Variants in ACYP2 observed in about 807,000 individuals in gnomAD.
The protein encoded by ACYP2 is acylphosphatase 2, also known as acylphosphatase-2.
A neutral mutation model predicts 11.2 loss-of-function variants in ACYP2; 12 were observed. The ratio of observed to expected loss-of-function variants is 1.08; its 90% CI spans 0.69 to 1.74. The LOEUF (loss-of-function observed/expected upper bound fraction) is 1.74. Among genes scored for constraint, ACYP2 ranks in the 40% most tolerant of loss-of-function variants. The pLI is 0.00. For missense variants in ACYP2, 134 were observed against 101.9 expected (o/e 1.31, Z -1.35); for synonymous variants, 43 against 32.2 (o/e 1.33, Z -1.13).
At chr2:54,028,668 G>A (rs766444794) in intron 2 of ACYP2, among the ~76,000 whole-genome samples, 2 of 152,160 alleles carry the variant, frequency 1.3e-5, no homozygotes, top group Non-Finnish European at 2.9e-5. Flanking sequence ...AATAGACTTT[G>A]TCCCAGGCCA....
At chr2:54,064,782 G>C (rs558772735) in intron 4 of ACYP2, among the ~76,000 whole-genome samples, 1 of 152,208 alleles carries the variant, frequency 6.6e-6, no homozygotes, top group Non-Finnish European at 1.5e-5. Context: ...CATTAAGGAG[G>C]GTCAGATTAA....
chr2:54,249,940 C>CAAAA (rs1015312135), intron 6 of ACYP2, among the ~76,000 whole-genome samples: 1 of 44,452 alleles, frequency 2.2e-5, no homozygotes, highest in Non-Finnish European at 4.9e-5. Context: ...GACCCTGTCT[C>CAAAA]AAAAAAAAAA....
At chr2:54,045,807 C>G (rs1445077750) in intron 2 of ACYP2, among the ~76,000 whole-genome samples, 2 of 151,498 alleles carry the variant, frequency 1.3e-5, no homozygotes, top group Admixed American at 1.3e-4. Flanking sequence ...CAGAGTGAGA[C>G]TCTGTCCCAG....
At chr2:54,281,883 C>G (rs1688862662) in intron 6 of ACYP2, among the ~76,000 whole-genome samples, 2 of 152,116 alleles carry the variant, frequency 1.3e-5, no homozygotes, top group African/African-American at 2.4e-5. Flanking sequence ...TAATTATACC[C>G]TATCAGCTAA....
Position 54,204,063 on chromosome 2 carries a change from C to T in ACYP2, c.404+65315C>T, listed in dbSNP as rs539514242. On this transcript the variant is annotated intron_variant, in intron 6 of 6. Transcript: ENST00000607452. ...CGGCTGGAGTGCAGTGGCACGATCTCGGCTCACTGCGACCTCTGCCTCCCA... is the reference window on the plus strand; with the variant it reads ...CGGCTGGAGTGCAGTGGCACGATCTTGGCTCACTGCGACCTCTGCCTCCCA... Among the ~76,000 whole-genome samples the T allele has an allele frequency of 1.2e-4, 19 of 152,258 alleles. No homozygotes were observed. In the South Asian group the frequency reaches 2.3e-3, roughly 18 times the overall value.
At chr2:54,219,900 T>TA (rs1685724472) in intron 6 of ACYP2, among the ~76,000 whole-genome samples, 2 of 116,460 alleles carry the variant, frequency 1.7e-5, no homozygotes, top group East Asian at 5.3e-4. Flanking sequence ...TATATATATA[T>TA]ATATATTTTT....
At chr2:54,102,548 G>A (rs542198204) in intron 4 of ACYP2, among the ~76,000 whole-genome samples, 1 of 140,840 alleles carries the variant, frequency 7.1e-6, no homozygotes, top group African/African-American at 2.7e-5. Flanking sequence ...CTAGAGGAAC[G>A]AGACATCTTT....
chr2:54,002,242 C>T lies in ACYP2; in HGVS notation c.62+28432C>T, dbSNP rs1672835322. 3.3e-5 allele frequency among the ~76,000 whole-genome samples: 5 copies of T among 152,206 alleles called. 1 individual carries two copies. The highest frequency in any genetic ancestry group is 2.6e-4 in the Admixed American group (4 of 15,274). ...GTTTAGACTTTTCCAGAATGTTATACAGCAGGAGTCATACAGTATGTAGTG... is the reference window on the plus strand; with the variant it reads ...GTTTAGACTTTTCCAGAATGTTATATAGCAGGAGTCATACAGTATGTAGTG... On this transcript the variant is annotated intron_variant, in intron 2 of 6. Coordinates refer to ENST00000607452, the MANE Select transcript of ACYP2 (RefSeq NM_001320586.2).
chr2:54,229,468 C>G (rs1248734757), intron 6 of ACYP2, among the ~76,000 whole-genome samples: 1 of 151,912 alleles, frequency 6.6e-6, no homozygotes, highest in Non-Finnish European at 1.5e-5. Flanking sequence ...CTTTCTTATT[C>G]TGTCTTATAC....
intron 2 of ACYP2, among the ~76,000 whole-genome samples, chr2:54,045,399 C>T (rs538823289): frequency 6.6e-6 from 1 of 152,304 alleles, no homozygotes; most frequent in South Asian, 2.1e-4. Flanking sequence ...TGTTACTATG[C>T]AGTGGGGATA....
chr2:54,187,237 C>T (rs1684050964), intron 6 of ACYP2, among the ~76,000 whole-genome samples: 1 of 152,150 alleles, frequency 6.6e-6, no homozygotes, highest in South Asian at 2.1e-4. Context: ...TTACAGAGAG[C>T]AGCAGGGGTT....
At chr2:54,075,094 T>A (rs1003672441) in intron 4 of ACYP2, among the ~76,000 whole-genome samples, 1 of 152,192 alleles carries the variant, frequency 6.6e-6, no homozygotes, top group Non-Finnish European at 1.5e-5. Flanking sequence ...TTGATTCACC[T>A]AAAAAGCAGT....
In ACYP2 at chr2:54,273,733, G is replaced by A. The variant is rs1012172688; in HGVS notation, c.405-30955G>A. Among the ~76,000 whole-genome samples the A allele has an allele frequency of 2.6e-5, 4 of 152,074 alleles. No homozygotes were observed. In the South Asian group the frequency reaches 8.3e-4, roughly 32 times the overall value. On this transcript the variant is annotated intron_variant, in intron 6 of 6. Transcript: ENST00000607452. ...CACCTGCCTCGACCTGCCAGTGTTG[G>A]GATTACAGGCATGAGCCCTCGCACC...
chr2:54,151,745 G>T (rs1396393007), intron 6 of ACYP2, among the ~76,000 whole-genome samples: 1 of 152,012 alleles, frequency 6.6e-6, no homozygotes, highest in Non-Finnish European at 1.5e-5. Context: ...TGACTTAAGG[G>T]TATAGTTTTT....
chr2:54,120,807 G>A (rs1045406717), intron 4 of ACYP2, among the ~76,000 whole-genome samples: 1 of 152,198 alleles, frequency 6.6e-6, no homozygotes, highest in East Asian at 1.9e-4. Context: ...GGATGAGGGG[G>A]ATGTGGCAGT....
chr2:54,271,382 C>T (rs1488554163), intron 6 of ACYP2, among the ~76,000 whole-genome samples: 3 of 152,134 alleles, frequency 2.0e-5, no homozygotes, highest in Admixed American at 6.5e-5. Context: ...ATTGTAGAAC[C>T]TACGATTGGG....
At chr2:54,152,082 T>A (rs1032369304) in intron 6 of ACYP2, among the ~76,000 whole-genome samples, 1 of 149,332 alleles carries the variant, frequency 6.7e-6, no homozygotes, top group Non-Finnish European at 1.5e-5. Context: ...ATATTATTAA[T>A]AACTAAGCTG....
chr2:54,036,236 A>G (rs938295817), intron 2 of ACYP2, among the ~76,000 whole-genome samples: 3 of 152,166 alleles, frequency 2.0e-5, no homozygotes, highest in Admixed American at 1.3e-4. Flanking sequence ...CTGGGATTAC[A>G]GCAGTATGCC....
intron 6 of ACYP2, among the ~76,000 whole-genome samples, chr2:54,291,248 T>C (rs1231062537): frequency 6.6e-6 from 1 of 152,222 alleles, no homozygotes; most frequent in Non-Finnish European, 1.5e-5. Context: ...CCCTCTTCTC[T>C]GGTCATGCCT....
Sources: gnomAD v4.1 joint callset for allele counts (sites outside exome capture counted in the v4.1 genomes callset) on GRCh38, gnomAD v4.1.1 for gene constraint, MANE v1.5 for transcripts, NCBI Gene and HGNC (gene_info 2026-07-23, HGNC 2026-07-21) for gene names.